The following AFF3 variants were observed in gnomAD, a reference collection of about 807,000 sequenced individuals.
AFF3 encodes ALF transcription elongation factor 3, also known as AF4/FMR2 family member 3.
A neutral mutation model predicts 129.7 loss-of-function variants in AFF3; 32 were observed. The observed-to-expected ratio is 0.25, with a 90% confidence interval of 0.19 to 0.33. The LOEUF is 0.33. Ranked by LOEUF, AFF3 falls within the 10% of genes least tolerant of loss-of-function variation. The pLI, the probability that AFF3 is intolerant of heterozygous loss-of-function variation, is 1.00. For synonymous variants in AFF3, 644 were observed against 635.4 expected (o/e 1.01, Z -0.20); for missense variants, 1,373 against 1,592.0 (o/e 0.86, Z 2.34).
rs1222371623 is a variant in AFF3, at chr2:99,550,816, A to G, written c.*658T>C. On this transcript the variant is annotated 3_prime_UTR_variant, in exon 25 of 25. Transcript: ENST00000672756. ...TTGCCTGGAATGCATTTAGTTGATA[A>G]TAGAGTCAGATGGGGGAAGGGAATT... 4.3e-6 allele frequency: 1 copy of G among 235,082 alleles called. No individual in the cohort carries two copies. Among genetic ancestry groups the G allele is most frequent in the Non-Finnish European group, 8.4e-6 (1 of 119,290 alleles). The allele number at this position is 235,082 out of a possible 1,614,324, so 14.6% of individuals were successfully genotyped here.
intron 7 of AFF3, among the ~76,000 whole-genome samples, chr2:99,873,207 T>C (rs993837744): frequency 2.0e-5 from 3 of 152,246 alleles, no homozygotes; most frequent in African/African-American, 7.2e-5. Flanking sequence ...TAACGTTTGT[T>C]ACTTCATCAA....
chr2:100,123,597 C>T (rs6748652), intron 2 of AFF3, among the ~76,000 whole-genome samples: 24,937 of 152,090 alleles, frequency 0.16, 2,444 homozygotes, highest in African/African-American at 0.25. Context: ...ATTTGTAAAA[C>T]GGCATCGATA....
intron 4 of AFF3, among the ~76,000 whole-genome samples, chr2:100,095,126 T>G: frequency 7.1e-6 from 1 of 141,824 alleles, no homozygotes. Flanking sequence ...TGGTGTGTGG[T>G]GGGGGGCGGG....
rs1274428525 is a variant in AFF3, at chr2:99,546,485, T to C, written c.*4989A>G. 2.6e-5 allele frequency: 6 copies of C among 232,778 alleles called. No homozygotes were observed. The Admixed American group carries it at 3.4e-4, about 13-fold the overall frequency. 14.4% of individuals were successfully genotyped at this position (232,778 alleles called of 1,614,324 possible). A position where few individuals can be genotyped will look rare whatever the true frequency, so the allele number is the denominator to read the frequency against. ...CTAGACACGAGTGAGTTATGTCAGA[T>C]GGTATAATGGGAAAAAGACAAAGGA... On this transcript the variant is annotated 3_prime_UTR_variant, in exon 25 of 25. Coordinates refer to ENST00000672756, the MANE Select transcript of AFF3 (RefSeq NM_001386135.1).
chr2:99,634,515 T>C (rs191669933), intron 13 of AFF3, among the ~76,000 whole-genome samples: 1 of 152,248 alleles, frequency 6.6e-6, no homozygotes, highest in Non-Finnish European at 1.5e-5. Flanking sequence ...AAACAATATA[T>C]GGGCAGGGTT....
intron 8 of AFF3, among the ~76,000 whole-genome samples, chr2:99,765,438 G>A (rs1366140934): frequency 2.6e-5 from 4 of 152,180 alleles, no homozygotes; most frequent in African/African-American, 9.7e-5. Context: ...AGAAGAGATC[G>A]GGCTTGGAGT....
intron 7 of AFF3, among the ~76,000 whole-genome samples, chr2:99,992,015 A>G (rs1680400930): frequency 6.7e-6 from 1 of 148,342 alleles, no homozygotes; most frequent in African/African-American, 2.5e-5. Flanking sequence ...TTCAAAGATT[A>G]AAAAAAAAAG....
At chr2:99,999,387 T>C (rs762860779) in intron 7 of AFF3, among the ~76,000 whole-genome samples, 5 of 152,178 alleles carry the variant, frequency 3.3e-5, no homozygotes, top group African/African-American at 1.2e-4. Context: ...TTCATCCATA[T>C]CCTTAAATTA....
At chr2:100,059,253 C>CCAAAA (rs1687045485) in intron 4 of AFF3, among the ~76,000 whole-genome samples, 1 of 21,560 alleles carries the variant, frequency 4.6e-5, no homozygotes, top group South Asian at 1.6e-3. Context: ...GACTCTGTCT[C>CCAAAA]CAAAAAAAAA....
At chr2:99,637,215 C>A (rs1683750468) in intron 13 of AFF3, among the ~76,000 whole-genome samples, 1 of 152,236 alleles carries the variant, frequency 6.6e-6, no homozygotes, top group Non-Finnish European at 1.5e-5. Flanking sequence ...GATATCATGA[C>A]TTTAACTCCC....
chr2:100,040,668 G>A (rs979947281), intron 4 of AFF3, among the ~76,000 whole-genome samples: 5 of 152,184 alleles, frequency 3.3e-5, no homozygotes, highest in Non-Finnish European at 7.3e-5. Context: ...TGGCACACCT[G>A]CTTTGTTCCC....
intron 11 of AFF3, among the ~76,000 whole-genome samples, chr2:99,696,671 CTTT>C (rs898108802): frequency 4.7e-5 from 7 of 147,934 alleles, no homozygotes; most frequent in Non-Finnish European, 7.5e-5. Context: ...TTTTTTTCTT[CTTT>C]GAGTCAGGCT....
chr2:99,556,428 C>A (rs879703142), intron 22 of AFF3, among the ~76,000 whole-genome samples: 1 of 151,834 alleles, frequency 6.6e-6, no homozygotes, highest in Admixed American at 6.6e-5. Context: ...GGTGACGGAG[C>A]GAGACTCCGT....
intron 11 of AFF3, among the ~76,000 whole-genome samples, chr2:99,706,577 A>G (rs964319686): frequency 6.6e-6 from 1 of 152,234 alleles, no homozygotes; most frequent in Non-Finnish European, 1.5e-5. Flanking sequence ...TGAACTAACC[A>G]CACAATGCAC....
intron 8 of AFF3, among the ~76,000 whole-genome samples, chr2:99,765,270 A>G (rs1271694285): frequency 2.0e-5 from 3 of 152,218 alleles, no homozygotes; most frequent in African/African-American, 7.2e-5. Context: ...ATTATTTGGG[A>G]CAGACTGGAA....
intron 7 of AFF3, among the ~76,000 whole-genome samples, chr2:99,871,784 T>C (rs757532186): frequency 1.3e-5 from 2 of 152,122 alleles, no homozygotes; most frequent in Non-Finnish European, 2.9e-5. Context: ...AGGTGCTATG[T>C]TCACTACCTG....
chr2:99,919,095 T>G (rs1053817352), intron 7 of AFF3, among the ~76,000 whole-genome samples: 1 of 152,120 alleles, frequency 6.6e-6, no homozygotes, highest in Admixed American at 6.6e-5. Context: ...TAATCATTAA[T>G]TCCCCCCGGT....
intron 19 of AFF3, 130 bp downstream of exon 19, chr2:99,568,722 T>A: frequency 1.2e-6 from 1 of 845,204 alleles, no homozygotes; most frequent in Non-Finnish European, 1.9e-6. Context: ...TATATAAACA[T>A]TTCTCCATTG....
chr2:99,922,432 A>G, intron 7 of AFF3, among the ~76,000 whole-genome samples: 1 of 152,230 alleles, frequency 6.6e-6, no homozygotes, highest in East Asian at 1.9e-4. Context: ...TGAATCTCCA[A>G]AATATTAGTA....
Sources: gnomAD v4.1 joint callset for allele counts (sites outside exome capture counted in the v4.1 genomes callset) on GRCh38, gnomAD v4.1.1 for gene constraint, MANE v1.5 for transcripts, NCBI Gene and HGNC (gene_info 2026-07-23, HGNC 2026-07-21) for gene names.